The following SV2C variants were observed in gnomAD, a reference collection of about 807,000 sequenced individuals.
The protein encoded by SV2C is solute carrier family 22 member B3.
In SV2C, 49 loss-of-function variants were observed where a neutral mutation model predicts 79.7. The observed-to-expected ratio is 0.61, with a 90% CI of 0.49 to 0.78. The LOEUF (loss-of-function observed/expected upper bound fraction) is 0.78, where lower values mean the gene tolerates loss of function less well. SV2C is among the 30% of genes least tolerant of loss of function. The pLI, the probability that SV2C is intolerant of heterozygous loss-of-function variation, is 0.00. For synonymous variants in SV2C, 334 were observed against 333.2 expected (o/e 1.00, Z -0.03); for missense variants, 833 against 912.9 (o/e 0.91, Z 1.13).
At chr5:76,083,092 G>C (rs959561296), upstream of SV2C, 2 of 152,414 alleles carry the variant, frequency 1.3e-5, no homozygotes, top group Non-Finnish European at 1.5e-5. Context: ...GACTTCTCCA[G>C]AAGTACCTAC....
At chr5:75,994,150 AGTTTGCAATG>A in the SV2C span, among the ~76,000 whole-genome samples, 5 of 152,100 alleles carry the variant, frequency 3.3e-5, no homozygotes, top group Non-Finnish European at 5.9e-5. Flanking sequence ...CCAATAAAAG[AGTTTGCAATG>A]GTACACATGA....
chr5:76,054,393 T>C, the SV2C span, among the ~76,000 whole-genome samples: 1 of 152,224 alleles, frequency 6.6e-6, no homozygotes, highest in African/African-American at 2.4e-5. Flanking sequence ...CATTCTATCA[T>C]TGATGGGCAT....
intron 12 of SV2C, among the ~76,000 whole-genome samples, chr5:76,321,999 G>A (rs1335294890): frequency 2.0e-5 from 3 of 151,960 alleles, no homozygotes; most frequent in Non-Finnish European, 2.9e-5. Context: ...CTCAGTATTC[G>A]GTTTCTGCCT....
chr5:75,870,393 A>T, the SV2C span, among the ~76,000 whole-genome samples: 3 of 151,976 alleles, frequency 2.0e-5, no homozygotes, highest in Non-Finnish European at 2.9e-5. Context: ...AGAGTCTTTT[A>T]ACAGAAGAAT....
chr5:76,238,027 TACACACACACACACACACAC>T (rs796926428), intron 4 of SV2C, among the ~76,000 whole-genome samples: 17,750 of 122,898 alleles, frequency 0.14, 3,077 homozygotes, highest in African/African-American at 0.42. Context: ...CAATCACACA[TACACACACACACACACACAC>T]ACACACACAC....
chr5:76,349,870 G>A (rs1262998373), intron 12 of SV2C, among the ~76,000 whole-genome samples: 1 of 152,122 alleles, frequency 6.6e-6, no homozygotes, highest in African/African-American at 2.4e-5. Flanking sequence ...CTCACACAGT[G>A]AAGCAGTGTA....
chr5:75,913,918 A>C, the SV2C span, among the ~76,000 whole-genome samples: 1 of 152,166 alleles, frequency 6.6e-6, no homozygotes, highest in African/African-American at 2.4e-5. Context: ...TGTGATAAAG[A>C]TCATAGCTAG....
chr5:76,339,510 C>T (rs1049009232), intron 12 of SV2C, among the ~76,000 whole-genome samples: 5 of 152,088 alleles, frequency 3.3e-5, no homozygotes, highest in East Asian at 3.9e-4. Flanking sequence ...GTCAGGAGAT[C>T]GAGACCATCC....
chr5:76,056,865 A>G, the SV2C span, among the ~76,000 whole-genome samples: 2 of 151,378 alleles, frequency 1.3e-5, no homozygotes, highest in African/African-American at 2.4e-5. Flanking sequence ...CCCCTTTATC[A>G]TGTTTTATTG....
chr5:75,932,995 T>G, the SV2C span, among the ~76,000 whole-genome samples: 2 of 152,368 alleles, frequency 1.3e-5, no homozygotes, highest in East Asian at 3.9e-4. Context: ...GTGTCACTGC[T>G]GCCCCTGGCA....
chr5:75,926,148 G>C, the SV2C span, among the ~76,000 whole-genome samples: 1 of 152,120 alleles, frequency 6.6e-6, no homozygotes, highest in African/African-American at 2.4e-5. Context: ...GGGGTAGCTT[G>C]ACACAGATAT....
intron 1 of SV2C, among the ~76,000 whole-genome samples, chr5:76,096,390 C>T (rs2112108650): frequency 6.6e-6 from 1 of 152,242 alleles, no homozygotes; most frequent in Non-Finnish European, 1.5e-5. Context: ...CATCATGCTG[C>T]TTACATCAAC....
intron 4 of SV2C, among the ~76,000 whole-genome samples, chr5:76,260,388 A>G (rs2112455877): frequency 6.6e-6 from 1 of 152,216 alleles, no homozygotes; most frequent in East Asian, 1.9e-4. Context: ...CCCGTTCTGT[A>G]GGTTGCCTGT....
the SV2C span, among the ~76,000 whole-genome samples, chr5:75,967,568 C>T: frequency 1.3e-5 from 2 of 152,118 alleles, no homozygotes; most frequent in Non-Finnish European, 2.9e-5. Flanking sequence ...AGAGCCTCGC[C>T]CACTGCTAGC....
intron 4 of SV2C, chr5:76,242,147 C>G: frequency 3.0e-6 from 4 of 1,340,212 alleles, no homozygotes; most frequent in Middle Eastern, 1.8e-4. Context: ...TGGGTACCTT[C>G]TCTCCCTTCT....
intron 2 of SV2C, among the ~76,000 whole-genome samples, chr5:76,174,915 A>C (rs776468794): frequency 1.8e-4 from 27 of 152,180 alleles, no homozygotes; most frequent in Non-Finnish European, 2.6e-4. Context: ...TACCCTGTTT[A>C]CTGCTGTTGC....
At chr5:75,881,783 C>G in the SV2C span, among the ~76,000 whole-genome samples, 1 of 150,096 alleles carries the variant, frequency 6.7e-6, no homozygotes, top group African/African-American at 2.5e-5. Flanking sequence ...ATTGAATAGC[C>G]TTTATTTCCT....
the SV2C span, among the ~76,000 whole-genome samples, chr5:76,030,600 A>G: frequency 3.3e-5 from 5 of 152,008 alleles, no homozygotes; most frequent in African/African-American, 1.2e-4. Flanking sequence ...GTTTGGAGCT[A>G]TCACTTTGCA....
At chr5:76,175,432 TTAAC>T (rs1743494467) in intron 2 of SV2C, among the ~76,000 whole-genome samples, 1 of 152,114 alleles carries the variant, frequency 6.6e-6, no homozygotes, top group Non-Finnish European at 1.5e-5. Flanking sequence ...ATATATGGCT[TTAAC>T]TAAAAAGAAA....
Sources: allele counts gnomAD v4.1 joint callset (sites outside exome capture counted in the v4.1 genomes callset), GRCh38; gene constraint gnomAD v4.1.1; transcripts MANE v1.5; gene names NCBI Gene and HGNC (gene_info 2026-07-23, HGNC 2026-07-21).